The following EPHA6 variants were observed in gnomAD, a reference collection of about 807,000 sequenced individuals.
EPHA6 encodes the protein ephrin type-A receptor 6.
In EPHA6, 50 loss-of-function variants were observed where a neutral mutation model predicts 112.0. That is an observed-to-expected ratio of 0.45 (90% CI 0.36 to 0.56). EPHA6 has a LOEUF of 0.56. Ranked by LOEUF, EPHA6 falls within the 20% of genes least tolerant of loss-of-function variation. EPHA6 has a pLI of 0.00. For missense variants in EPHA6, 1,280 were observed against 1,417.4 expected (o/e 0.90, Z 1.56); for synonymous variants, 529 against 490.7 (o/e 1.08, Z -1.03).
At chr3:97,184,845 T>C (rs1025619321) in intron 3 of EPHA6, among the ~76,000 whole-genome samples, 6 of 152,168 alleles carry the variant, frequency 3.9e-5, no homozygotes, top group Non-Finnish European at 5.9e-5. Flanking sequence ...CAAAATAGTA[T>C]GGTACTGTTA....
chr3:97,118,361 T>G (rs1418112208), intron 3 of EPHA6, among the ~76,000 whole-genome samples: 2 of 151,816 alleles, frequency 1.3e-5, no homozygotes, highest in Admixed American at 6.6e-5. Context: ...TAATCAGAAT[T>G]TATTTTATTT....
At chr3:97,600,989 TG>T (rs2093638987) in intron 12 of EPHA6, among the ~76,000 whole-genome samples, 7 of 152,126 alleles carry the variant, frequency 4.6e-5, no homozygotes, top group Admixed American at 4.6e-4. Context: ...TTCTAGCCTT[TG>T]GCCTTAACTA....
chr3:97,500,777 G>A (rs910900002), intron 10 of EPHA6, among the ~76,000 whole-genome samples: 5 of 152,098 alleles, frequency 3.3e-5, no homozygotes, highest in Admixed American at 1.3e-4. Context: ...AAACAAGCTT[G>A]AAACCCCTAG....
intron 5 of EPHA6, among the ~76,000 whole-genome samples, chr3:97,349,231 C>A (rs1362740002): frequency 6.6e-6 from 1 of 151,712 alleles, no homozygotes; most frequent in African/African-American, 2.4e-5. Flanking sequence ...ACAATATTAC[C>A]TTTAGTCTTA....
chr3:97,255,390 A>G (rs1028574626), intron 5 of EPHA6, among the ~76,000 whole-genome samples: 2 of 152,180 alleles, frequency 1.3e-5, no homozygotes, highest in Non-Finnish European at 2.9e-5. Context: ...AAAGAAAGCC[A>G]CTATCCCAAA....
intron 11 of EPHA6, among the ~76,000 whole-genome samples, chr3:97,562,763 G>A (rs938060767): frequency 6.6e-6 from 1 of 152,104 alleles, no homozygotes; most frequent in African/African-American, 2.4e-5. Context: ...GAAAGGAAGA[G>A]TCAATCAGTG....
At chr3:97,618,651 A>G (rs1307167607) in intron 13 of EPHA6, among the ~76,000 whole-genome samples, 1 of 152,188 alleles carries the variant, frequency 6.6e-6, no homozygotes, top group Non-Finnish European at 1.5e-5. Flanking sequence ...CACATAAATT[A>G]GAAAATCTAG....
intron 7 of EPHA6, among the ~76,000 whole-genome samples, chr3:97,471,557 C>G (rs1045303277): frequency 2.0e-5 from 3 of 151,690 alleles, no homozygotes; most frequent in African/African-American, 7.3e-5. Flanking sequence ...ATGTAGCAGT[C>G]TGAATTCCCT....
At chr3:96,896,028 G>A (rs2038251547) in intron 2 of EPHA6, among the ~76,000 whole-genome samples, 1 of 152,156 alleles carries the variant, frequency 6.6e-6, no homozygotes, top group Admixed American at 6.6e-5. Context: ...ATACTCTTAT[G>A]ATGTTTGCAC....
At chr3:97,367,735 C>A (rs1200846873) in intron 5 of EPHA6, among the ~76,000 whole-genome samples, 1 of 151,920 alleles carries the variant, frequency 6.6e-6, no homozygotes. Context: ...TGGTATACTT[C>A]CTCTTAGGAA....
At chr3:97,054,776 C>T (rs375871616) in intron 3 of EPHA6, among the ~76,000 whole-genome samples, 1 of 151,832 alleles carries the variant, frequency 6.6e-6, no homozygotes, top group African/African-American at 2.4e-5. Context: ...TTTTATTTAG[C>T]CTGTTTTATA....
At chr3:97,361,568 G>T (rs1053442364) in intron 5 of EPHA6, among the ~76,000 whole-genome samples, 1 of 152,198 alleles carries the variant, frequency 6.6e-6, no homozygotes, top group Non-Finnish European at 1.5e-5. Context: ...CACAGTTCAT[G>T]AGGGCATTCC....
At position 97,372,270 on chromosome 3, in the gene EPHA6, G is replaced by A. The variant is rs541651440; in HGVS notation, c.1607-32880G>A. Among the ~76,000 whole-genome samples, 3 of 152,048 alleles carry A rather than the reference G, an allele frequency of 2.0e-5. No individual in the cohort carries two copies. The East Asian group carries it at 5.8e-4, about 29-fold the overall frequency. The stretch of plus-strand genomic sequence containing the variant: ...TTGTACCTTTTCCCTTTATTTCTTA[G>A]ACTGGCTGACACTTAGGGAAAATAG... On this transcript the variant is annotated intron_variant, in intron 5 of 17. Transcript: ENST00000389672.
intron 5 of EPHA6, among the ~76,000 whole-genome samples, chr3:97,275,828 A>G (rs1321496736): frequency 2.0e-5 from 3 of 152,040 alleles, no homozygotes; most frequent in South Asian, 2.1e-4. Flanking sequence ...TGGTGGGTTA[A>G]GGTGGGGGGA....
chr3:96,961,627 A>G (rs1367968659), intron 2 of EPHA6, among the ~76,000 whole-genome samples: 2 of 146,492 alleles, frequency 1.4e-5, no homozygotes, highest in Non-Finnish European at 2.9e-5. Flanking sequence ...TGCATAAACT[A>G]GCACAGCCCT....
chr3:97,388,983 G>C (rs958641773), intron 5 of EPHA6, among the ~76,000 whole-genome samples: 1 of 152,164 alleles, frequency 6.6e-6, no homozygotes, highest in Non-Finnish European at 1.5e-5. Flanking sequence ...CCATTTGTTA[G>C]TTGATAGCTG....
At chr3:97,323,418 C>A (rs1471865598) in intron 5 of EPHA6, among the ~76,000 whole-genome samples, 1 of 151,660 alleles carries the variant, frequency 6.6e-6, no homozygotes, top group Non-Finnish European at 1.5e-5. Context: ...TAGAATAAAG[C>A]ATATATACTT....
chr3:96,912,326 G>C (rs1239119973), intron 2 of EPHA6, among the ~76,000 whole-genome samples: 1 of 152,092 alleles, frequency 6.6e-6, no homozygotes, highest in African/African-American at 2.4e-5. Flanking sequence ...GAGTAAGTCA[G>C]GAACTAATTG....
intron 3 of EPHA6, among the ~76,000 whole-genome samples, chr3:97,012,625 AT>A (rs762686976): frequency 0.035 from 4,637 of 130,988 alleles, 177 homozygotes; most frequent in Admixed American, 0.11. Flanking sequence ...ATATATATGT[AT>A]TTTTTTTTTT....
Sources: allele counts gnomAD v4.1 joint callset (sites outside exome capture counted in the v4.1 genomes callset), GRCh38; gene constraint gnomAD v4.1.1; transcripts MANE v1.5; gene names NCBI Gene and HGNC (gene_info 2026-07-23, HGNC 2026-07-21).